SEC61A1: variants seen among roughly 807,000 people sequenced by gnomAD.
SEC61A1 encodes the protein protein transport protein Sec61 subunit alpha isoform 1.
A neutral mutation model predicts 55.2 loss-of-function variants in SEC61A1; 15 were observed. The observed-to-expected ratio is 0.27, with a 90% confidence interval of 0.18 to 0.42. The LOEUF (loss-of-function observed/expected upper bound fraction) is 0.42. Among genes scored for constraint, SEC61A1 ranks in the 10% least tolerant of loss-of-function variants. The pLI is 1.00. For synonymous variants in SEC61A1, 247 were observed against 234.0 expected, an observed-to-expected ratio of 1.06 and a Z score of -0.51; for missense variants, 284 against 602.6, an observed-to-expected ratio of 0.47 and a Z score of 5.53.
In SEC61A1 at chr3:128,067,392, T is replaced by G; in HGVS notation, c.976-29T>G. ...ATGCTAAAGTAAAATGAAGGAGCAC[T>G]CACATGCGTTTGGTTTCTTCTTCCC... On this transcript the variant is annotated intron_variant, in intron 9 of 11. Coordinates refer to ENST00000243253, the MANE Select transcript of SEC61A1 (RefSeq NM_013336.4). This position sits in a 1 kb window ranked among gnomAD's most constrained non-coding sequence, Gnocchi z 4.1. The G allele has an allele frequency of 6.3e-7, 1 of 1,594,876 alleles. No homozygotes were observed. Among genetic ancestry groups the G allele is most frequent in the Non-Finnish European group, 8.5e-7 (1 of 1,171,790 alleles).
intron 7 of SEC61A1, among the ~76,000 whole-genome samples, chr3:128,063,413 C>T (rs1423051057): frequency 2.0e-5 from 3 of 152,250 alleles, no homozygotes; most frequent in Non-Finnish European, 4.4e-5. Context: ...TCTCGGCTCA[C>T]TGCAACCTCC....
chr3:128,051,644 CA>C, upstream of SEC61A1: 1 of 1,407,180 alleles, frequency 7.1e-7, no homozygotes, highest in Non-Finnish European at 9.2e-7. Flanking sequence ...CTTAGGCAAT[CA>C]CACCGCCATG....
chr3:128,058,400 G>C (rs1941805001), intron 5 of SEC61A1, among the ~76,000 whole-genome samples: 1 of 151,948 alleles, frequency 6.6e-6, no homozygotes, highest in African/African-American at 2.4e-5. Context: ...AGTAAAGACG[G>C]GGTTTCACTG....
At chr3:128,056,939 T>TTA in intron 5 of SEC61A1, 99 bp downstream of exon 5, 3 of 908,612 alleles carry the variant, frequency 3.3e-6, no homozygotes, top group Non-Finnish European at 2.9e-6. Context: ...TATTTTTTAT[T>TTA]TTTTTTTTTT....
chr3:128,052,244 C>T, upstream of SEC61A1: 1 of 315,322 alleles, frequency 3.2e-6, no homozygotes, highest in Non-Finnish European at 5.7e-6. Flanking sequence ...CGGCGGGCCC[C>T]GCGCGCCAGG....
rs375118581 is a variant in SEC61A1 at position 128,067,914 on chromosome 3, G to A, written c.1168-69G>A. ...CGAAGAGGCGATCTGTAACTGTTCA[G>A]TACCACTTGGAATGCCTATTTCCCC... On this transcript the variant is annotated intron_variant, in intron 10 of 11. Coordinates refer to ENST00000243253, the MANE Select transcript of SEC61A1 (RefSeq NM_013336.4). This position sits in a 1 kb window ranked among gnomAD's most constrained non-coding sequence, Gnocchi z 4.1. 2.9e-5 allele frequency: 36 copies of A among 1,239,762 alleles called. No individual in the cohort carries two copies. The African/African-American group carries it at 4.9e-4, about 17-fold the overall frequency. 76.8% of individuals were successfully genotyped at this position (1,239,762 alleles called of 1,614,324 possible).
Position 128,071,609 on chromosome 3 carries a change from T to C in SEC61A1, c.*1947T>C, listed in dbSNP as rs554925605. 6.5e-6 allele frequency: 1 copy of C among 152,784 alleles called. No individual in the cohort carries two copies. Among genetic ancestry groups the C allele is most frequent in the East Asian group, 1.9e-4 (1 of 5,176 alleles). 9.5% of individuals were successfully genotyped at this position (152,784 alleles called of 1,614,324 possible). A position where few individuals can be genotyped will look rare whatever the true frequency, so the allele number is the denominator to read the frequency against. Reference sequence around the variant, plus strand: ...GCTGACCCCAGCTTCCAGGGGACTGTCACTGTGGACGCCAAAATGGCATAA... The same window carrying C: ...GCTGACCCCAGCTTCCAGGGGACTGCCACTGTGGACGCCAAAATGGCATAA... On this transcript the variant is annotated 3_prime_UTR_variant, in exon 12 of 12. Transcript: ENST00000243253.
chr3:128,068,080 C>T (rs1336107745), intron 11 of SEC61A1, 21 bp downstream of exon 11: 3 of 1,598,460 alleles, frequency 1.9e-6, no homozygotes, highest in African/African-American at 2.7e-5. Flanking sequence ...GCCCCAGGTC[C>T]CCAACCTCCC....
intron 7 of SEC61A1, 134 bp downstream of exon 7, chr3:128,060,795 G>A: frequency 2.3e-6 from 2 of 872,230 alleles, no homozygotes; most frequent in Non-Finnish European, 3.4e-6. Flanking sequence ...CTGGTGTTTG[G>A]GTCCATCTGC....
At chr3:128,061,591 C>A (rs1576421395) in intron 7 of SEC61A1, among the ~76,000 whole-genome samples, 2 of 152,192 alleles carry the variant, frequency 1.3e-5, no homozygotes, top group East Asian at 3.8e-4. Context: ...GTGAAGGCTG[C>A]ATGTGCCTAA....
chr3:128,064,697 A>T, intron 7 of SEC61A1, 180 bp from the exon 8 acceptor site: 1 of 595,704 alleles, frequency 1.7e-6, no homozygotes. Context: ...TGTAGTTTGA[A>T]TTCTCTACAG....
rs1305817619 is a variant in SEC61A1 at position 128,055,675 on chromosome 3, T to A, written c.144T>A (p.Ile48=). The part of the protein sequence containing the change: ...TLFIFLVCCQ[I]PLFGIMSSDS... ...TTTTGCTCTTTGCCTGTTCCCAGAT[T>A]CCCCTGTTTGGGATCATGTCTTCAG... The change falls in exon 4 of 12, where the codon ATT becomes ATA. Residue 48 remains isoleucine (I), a splice_region_variant and synonymous_variant. Coordinates refer to ENST00000243253, the MANE Select transcript of SEC61A1 (RefSeq NM_013336.4). 1 of 1,614,040 alleles carries A rather than the reference T, an allele frequency of 6.2e-7. No homozygotes were observed. The highest frequency in any genetic ancestry group is 8.5e-7 in the Non-Finnish European group (1 of 1,179,894).
At position 128,067,164 on chromosome 3, in the gene SEC61A1, T is replaced by A. The variant is rs535035799; in HGVS notation, c.975+13T>A. The A allele has an allele frequency of 5.0e-6, 8 of 1,612,582 alleles. No individual in the cohort carries two copies. In the Admixed American group the frequency reaches 1.0e-4, roughly 20 times the overall value. On this transcript the variant is annotated intron_variant, in intron 9 of 11. Transcript: ENST00000243253. The surrounding 1 kb of genome is among the most constrained non-coding windows in gnomAD (Gnocchi z 4.1). ...GGGCACCTGGTCGGTAAGTAGGCTCTTTGAAGATGAGCTAGCAATGCAGCT... is the reference window on the plus strand; with the variant it reads ...GGGCACCTGGTCGGTAAGTAGGCTCATTGAAGATGAGCTAGCAATGCAGCT...
Position 128,064,989 on chromosome 3 carries a change from G to C in SEC61A1, c.729G>C (p.Met243Ile), listed in dbSNP as rs747773414. The C allele has an allele frequency of 1.9e-6, 3 of 1,614,244 alleles. No homozygotes were observed. Among genetic ancestry groups the C allele is most frequent in the East Asian group, 4.5e-5 (2 of 44,884 alleles). The stretch of plus-strand genomic sequence containing the variant: ...ACCGCCAGAATCTTCCCAACCTCAT[G>C]AATCTCATCGCCACCATCTTTGTCT... ...AFYRQNLPNL[M>I]NLIATIFVFA... The change falls in exon 8 of 12, where the codon ATG becomes ATC. Residue 243 changes from methionine to isoleucine, a missense_variant. Transcript: ENST00000243253.
intron 8 of SEC61A1, 34 bp downstream of exon 8, chr3:128,065,071 G>C (rs774603437): frequency 6.2e-7 from 1 of 1,610,874 alleles, no homozygotes; most frequent in Non-Finnish European, 8.5e-7. Flanking sequence ...GAGTTTCCAT[G>C]GTCTGGATTT....
chr3:128,064,971 G>C lies in SEC61A1; in HGVS notation c.711G>C (p.Gln237His). ...VRALREAFYR[Q>H]NLPNLMNLIA... ...CCCTTCGGGAGGCGTTCTACCGCCAGAATCTTCCCAACCTCATGAATCTCA... is the reference window on the plus strand; with the variant it reads ...CCCTTCGGGAGGCGTTCTACCGCCACAATCTTCCCAACCTCATGAATCTCA... The change falls in exon 8 of 12, where the codon CAG becomes CAC. Residue 237 changes from glutamine (Q) to histidine (H), a missense_variant. Physicochemically the swap from Gln to His is conservative, Grantham distance 24. Coordinates refer to ENST00000243253, the MANE Select transcript of SEC61A1 (RefSeq NM_013336.4). The C allele has an allele frequency of 6.2e-7, 1 of 1,614,250 alleles. No individual in the cohort carries two copies. Among genetic ancestry groups the C allele is most frequent in the Non-Finnish European group, 8.5e-7 (1 of 1,180,036 alleles).
At chr3:128,069,342 G>A (rs1942083446) in intron 11 of SEC61A1, 134 bp from the exon 12 acceptor site, 3 of 827,562 alleles carry the variant, frequency 3.6e-6, no homozygotes, top group Non-Finnish European at 5.7e-6. Flanking sequence ...TAGCATGTTA[G>A]TAGATGACTT....
Position 128,055,491 on chromosome 3 carries a change from T to C in SEC61A1, c.76-25T>C, listed in dbSNP as rs6788546. The C allele has an allele frequency of 5.9e-5, 93 of 1,580,682 alleles. No individual in the cohort carries two copies. The African/African-American group carries it at 6.3e-4, about 11-fold the overall frequency. On this transcript the variant is annotated intron_variant, in intron 2 of 11. Transcript: ENST00000243253. ...TTTGCTTTTCAAAGTAACTCCCTGC[T>C]TCAATTCATTCTCTCCTACTCTAGA...
Position 128,069,871 on chromosome 3 carries a change from A to T in SEC61A1, c.*209A>T. On this transcript the variant is annotated 3_prime_UTR_variant, in exon 12 of 12. Transcript: ENST00000243253. ...ACTGGCAAAAAGAACTGTGAAAGTG[A>T]AATTTTATTCAGCCGACTGCCAGAG... The T allele has an allele frequency of 1.8e-6, 1 of 565,490 alleles. No individual in the cohort carries two copies. The highest frequency in any genetic ancestry group is 3.1e-6 in the Non-Finnish European group (1 of 320,230). 35.0% of individuals were successfully genotyped at this position (565,490 alleles called of 1,614,324 possible).
Sources: allele counts gnomAD v4.1 joint callset (sites outside exome capture counted in the v4.1 genomes callset), GRCh38; gene constraint gnomAD v4.1.1; non-coding constraint Gnocchi (gnomAD v3.1); transcripts MANE v1.5; gene names NCBI Gene and HGNC (gene_info 2026-07-23, HGNC 2026-07-21).